The following KCNIP4 variants were observed in gnomAD, a reference collection of about 807,000 sequenced individuals.
The protein encoded by KCNIP4 is potassium voltage-gated channel interacting protein 4, also known as Kv channel-interacting protein 4.
KCNIP4 carries 12 observed loss-of-function variants against 34.0 expected under a neutral mutation model. The observed-to-expected ratio is 0.35, with a 90% CI of 0.23 to 0.57. KCNIP4 has a LOEUF of 0.57. KCNIP4 is among the 20% of genes least tolerant of loss of function. KCNIP4 has a pLI of 0.83. For synonymous variants in KCNIP4, 124 were observed against 102.2 expected (o/e 1.21, Z -1.29); for missense variants, 238 against 311.7 (o/e 0.76, Z 1.78).
chr4:21,382,586 ATTC>A (rs1206620560), intron 1 of KCNIP4, among the ~76,000 whole-genome samples: 3 of 152,102 alleles, frequency 2.0e-5, no homozygotes, highest in Non-Finnish European at 4.4e-5. Flanking sequence ...AAATTTTACA[ATTC>A]TTCACTTAAA....
chr4:21,233,793 T>C (rs1242495321), intron 1 of KCNIP4, among the ~76,000 whole-genome samples: 1 of 145,990 alleles, frequency 6.8e-6, no homozygotes, highest in Non-Finnish European at 1.5e-5. Flanking sequence ...AAAACATTAT[T>C]ATATATAATA....
At chr4:21,786,499 C>G (rs1248853293) in intron 1 of KCNIP4, among the ~76,000 whole-genome samples, 1 of 145,860 alleles carries the variant, frequency 6.9e-6, no homozygotes, top group African/African-American at 2.4e-5. Flanking sequence ...CTGTTGTACC[C>G]AGGCTGTATG....
intron 1 of KCNIP4, among the ~76,000 whole-genome samples, chr4:21,483,202 T>G (rs1411701517): frequency 6.6e-6 from 1 of 151,654 alleles, no homozygotes; most frequent in Non-Finnish European, 1.5e-5. Context: ...GTTGTGCACA[T>G]GTACCCTACA....
chr4:21,497,551 C>A (rs1425321230), intron 1 of KCNIP4, among the ~76,000 whole-genome samples: 2 of 152,194 alleles, frequency 1.3e-5, no homozygotes, highest in Admixed American at 1.3e-4. Flanking sequence ...AGTTTTTAAA[C>A]CTGTATTTTC....
chr4:21,075,574 G>A (rs533314107), intron 1 of KCNIP4, among the ~76,000 whole-genome samples: 40 of 152,180 alleles, frequency 2.6e-4, no homozygotes, highest in Middle Eastern at 3.4e-3. Flanking sequence ...GCACACTGAT[G>A]AGTCTTGACT....
intron 1 of KCNIP4, among the ~76,000 whole-genome samples, chr4:21,049,647 C>T (rs1742757803): frequency 1.3e-5 from 2 of 152,176 alleles, no homozygotes; most frequent in Non-Finnish European, 2.9e-5. Context: ...ATGGATACAT[C>T]CTGCCATAGC....
intron 1 of KCNIP4, among the ~76,000 whole-genome samples, chr4:21,537,641 A>G (rs1737305074): frequency 6.6e-6 from 1 of 152,140 alleles, no homozygotes; most frequent in Non-Finnish European, 1.5e-5. Context: ...TGCAAATATA[A>G]TCAAGTCAAG....
chr4:21,496,692 CAGCCAGAGGTGAGCGACT>C (rs1344065211), intron 1 of KCNIP4, among the ~76,000 whole-genome samples: 1 of 152,194 alleles, frequency 6.6e-6, no homozygotes, highest in Non-Finnish European at 1.5e-5. Context: ...ACCGGCTGCA[CAGCCAGAGGTGAGCGACT>C]GGTGAGCAGG....
chr4:21,461,466 T>A lies in KCNIP4; in HGVS notation c.61+487105A>T, dbSNP rs189740625. 8.5e-5 allele frequency among the ~76,000 whole-genome samples: 13 copies of A among 152,168 alleles called. No individual in the cohort carries two copies. In the East Asian group the frequency reaches 2.5e-3, roughly 29 times the overall value. ...TCATTTTTCTAGTAATTCATCTTTA[T>A]TGTGTTTTACAAAAGTATCAGTTCA... On this transcript the variant is annotated intron_variant, in intron 1 of 8. Coordinates refer to ENST00000382152, the MANE Select transcript of KCNIP4 (RefSeq NM_025221.6).
At chr4:21,564,620 A>T (rs887022955) in intron 1 of KCNIP4, among the ~76,000 whole-genome samples, 1 of 152,100 alleles carries the variant, frequency 6.6e-6, no homozygotes, top group Non-Finnish European at 1.5e-5. Context: ...TCCGTGTCTT[A>T]GTCTGTTTAG....
chr4:21,688,007 T>C lies in KCNIP4; in HGVS notation c.61+260564A>G, dbSNP rs1750943189. ...TTGGGCTTGGCTCCCTGTGAGATACTCAATAGTATACCTTAAGTCTAATAA... is the reference window on the plus strand; with the variant it reads ...TTGGGCTTGGCTCCCTGTGAGATACCCAATAGTATACCTTAAGTCTAATAA... On this transcript the variant is annotated intron_variant, in intron 1 of 8. Coordinates refer to ENST00000382152, the MANE Select transcript of KCNIP4 (RefSeq NM_025221.6). Among the ~76,000 whole-genome samples, 2 of 152,170 alleles carry C rather than the reference T, an allele frequency of 1.3e-5. 1 individual carries two copies. The highest frequency in any genetic ancestry group is 4.1e-4 in the South Asian group (2 of 4,826).
intron 1 of KCNIP4, among the ~76,000 whole-genome samples, chr4:21,879,367 G>C (rs937841905): frequency 3.3e-5 from 5 of 152,152 alleles, no homozygotes; most frequent in African/African-American, 1.2e-4. Flanking sequence ...CTATCCCTCA[G>C]CATCCTCTCC....
At chr4:21,745,642 A>G (rs568410690) in intron 1 of KCNIP4, among the ~76,000 whole-genome samples, 98 of 152,276 alleles carry the variant, frequency 6.4e-4, no homozygotes, top group African/African-American at 2.1e-3. Context: ...CTGACAATGT[A>G]TCAAAACTCT....
intron 1 of KCNIP4, among the ~76,000 whole-genome samples, chr4:21,394,976 T>C (rs1402791888): frequency 6.6e-6 from 1 of 151,384 alleles, no homozygotes. Flanking sequence ...TCACAAAGAC[T>C]AAGCCACAAT....
intron 1 of KCNIP4, among the ~76,000 whole-genome samples, chr4:21,879,227 G>C (rs1048454592): frequency 6.6e-6 from 1 of 152,122 alleles, no homozygotes; most frequent in African/African-American, 2.4e-5. Flanking sequence ...GAAAAGCTTA[G>C]ATCCTTGTCA....
intron 1 of KCNIP4, among the ~76,000 whole-genome samples, chr4:21,695,700 G>C (rs1192993377): frequency 6.6e-6 from 1 of 152,058 alleles, no homozygotes; most frequent in Non-Finnish European, 1.5e-5. Flanking sequence ...GAATGAGCTA[G>C]ACAGGCAGAA....
At chr4:21,365,678 T>C (rs1339055267) in intron 1 of KCNIP4, among the ~76,000 whole-genome samples, 2 of 152,154 alleles carry the variant, frequency 1.3e-5, no homozygotes, top group Non-Finnish European at 1.5e-5. Context: ...CCAATAGCTA[T>C]TTATTCTGTT....
intron 1 of KCNIP4, among the ~76,000 whole-genome samples, chr4:21,728,384 C>G (rs10034459): frequency 0.12 from 18,175 of 152,158 alleles, 3,709 homozygotes; most frequent in African/African-American, 0.41. Flanking sequence ...GCTCAATGTT[C>G]ATAATTGAAG....
chr4:21,441,883 G>A (rs1408787216), intron 1 of KCNIP4, among the ~76,000 whole-genome samples: 2 of 152,136 alleles, frequency 1.3e-5, no homozygotes, highest in African/African-American at 4.8e-5. Context: ...TAGGTTTGAG[G>A]CTTTGGAGAA....
Sources: allele counts gnomAD v4.1 joint callset (sites outside exome capture counted in the v4.1 genomes callset), GRCh38; gene constraint gnomAD v4.1.1; transcripts MANE v1.5; gene names NCBI Gene and HGNC (gene_info 2026-07-23, HGNC 2026-07-21).